The following MAP7 variants were observed in gnomAD, a reference collection of about 807,000 sequenced individuals.
MAP7 encodes microtubule associated protein 7.
MAP7 carries 52 observed loss-of-function variants against 94.8 expected under a neutral mutation model. The ratio of observed to expected loss-of-function variants is 0.55; its 90% CI spans 0.44 to 0.69. MAP7 has a LOEUF of 0.69. MAP7 is among the 30% of genes least tolerant of loss of function. The pLI is 0.00. For synonymous variants in MAP7, 350 were observed against 357.0 expected (o/e 0.98, Z 0.22); for missense variants, 940 against 964.6 (o/e 0.97, Z 0.34).
At chr6:136,360,594 A>T in intron 13 of MAP7, 103 bp downstream of exon 13, 2 of 907,504 alleles carry the variant, frequency 2.2e-6, no homozygotes, top group Non-Finnish European at 1.8e-6. Context: ...CTACTAGTTT[A>T]TGTGGCAAGG....
intron 1 of MAP7, among the ~76,000 whole-genome samples, chr6:136,519,073 C>T (rs1339691840): frequency 3.9e-5 from 6 of 152,182 alleles, no homozygotes; most frequent in African/African-American, 1.2e-4. Context: ...TTATATAACA[C>T]ATAATGCCTG....
chr6:136,474,011 G>A (rs534385072), intron 1 of MAP7, among the ~76,000 whole-genome samples: 1 of 151,974 alleles, frequency 6.6e-6, no homozygotes, highest in East Asian at 1.9e-4. Flanking sequence ...GGTGGTCAGG[G>A]AGGGCCTCTC....
chr6:136,411,690 C>T lies in MAP7; in HGVS notation c.174G>A (p.Pro58=), dbSNP rs776770148. ...NNHSGNKPDP[P]PVLRVDDRQR... is the part of the protein sequence containing the mutation. ...GCCGGTCATCAACACGTAACACAGG[C>T]GGAGGGTCTGAAAGCGAGATTAAAA... is the stretch of plus-strand genomic sequence containing the variant. Residue 58 remains proline (P), a synonymous_variant, in exon 3 of 18, where the codon CCG becomes CCA. Transcript: ENST00000354570. 6.4e-6 allele frequency: 10 copies of T among 1,562,158 alleles called. No homozygotes were observed. Among genetic ancestry groups the T allele is most frequent in the South Asian group, 1.2e-5 (1 of 85,012 alleles).
At chr6:136,462,787 C>T (rs1805665715) in intron 1 of MAP7, among the ~76,000 whole-genome samples, 1 of 151,604 alleles carries the variant, frequency 6.6e-6, no homozygotes, top group Non-Finnish European at 1.5e-5. Flanking sequence ...CATGGTGAAA[C>T]CCTGTTTCTA....
chr6:136,396,104 T>C (rs1423245714), intron 3 of MAP7, among the ~76,000 whole-genome samples: 5 of 152,070 alleles, frequency 3.3e-5, no homozygotes, highest in African/African-American at 7.2e-5. Flanking sequence ...AAGAATGTCA[T>C]TGGTATTTTG....
At chr6:136,480,510 C>T (rs560483923) in intron 1 of MAP7, among the ~76,000 whole-genome samples, 11 of 151,532 alleles carry the variant, frequency 7.3e-5, no homozygotes, top group South Asian at 4.2e-4. Flanking sequence ...GGCATGGTGG[C>T]GGGTGCCTGT....
Position 136,484,489 on chromosome 6 carries a change from T to G in MAP7, c.68-62690A>C, listed in dbSNP as rs190000442. On this transcript the variant is annotated intron_variant, in intron 1 of 17. Transcript: ENST00000354570. ...TTTATTTAATGCTTTCTTTGCCACCTAAATTATTAAACTCTTAGACAATAA... is the reference window on the plus strand; with the variant it reads ...TTTATTTAATGCTTTCTTTGCCACCGAAATTATTAAACTCTTAGACAATAA... Among the ~76,000 whole-genome samples the G allele has an allele frequency of 5.4e-3, 824 of 152,298 alleles. 4 individuals are homozygous for G. Among genetic ancestry groups the G allele is most frequent in the Middle Eastern group, 0.014 (4 of 294 alleles).
intron 1 of MAP7, among the ~76,000 whole-genome samples, chr6:136,498,087 T>C (rs1818821300): frequency 6.6e-6 from 1 of 152,076 alleles, no homozygotes; most frequent in South Asian, 2.1e-4. Context: ...AGGTCATGTG[T>C]CCTTTTGAGA....
chr6:136,489,923 AT>A (rs1302554007), intron 1 of MAP7, among the ~76,000 whole-genome samples: 1 of 152,140 alleles, frequency 6.6e-6, no homozygotes, highest in Non-Finnish European at 1.5e-5. Flanking sequence ...GGATATATCA[AT>A]TTGCCACAGA....
intron 1 of MAP7, among the ~76,000 whole-genome samples, chr6:136,492,403 C>T (rs1453541580): frequency 6.6e-6 from 1 of 152,046 alleles, no homozygotes; most frequent in Admixed American, 6.6e-5. Flanking sequence ...AACTATGAAC[C>T]CTCCCATGTA....
intron 3 of MAP7, among the ~76,000 whole-genome samples, chr6:136,409,866 A>T (rs1310420843): frequency 6.6e-6 from 1 of 152,234 alleles, no homozygotes; most frequent in East Asian, 1.9e-4. Flanking sequence ...CAGTGTTTGA[A>T]TATATAAACT....
At chr6:136,441,336 C>T (rs1409379281) in intron 1 of MAP7, among the ~76,000 whole-genome samples, 1 of 152,096 alleles carries the variant, frequency 6.6e-6, no homozygotes, top group Non-Finnish European at 1.5e-5. Context: ...ACTCCATTTA[C>T]CTATGGTACT....
intron 1 of MAP7, among the ~76,000 whole-genome samples, chr6:136,460,832 A>G (rs549161025): frequency 3.2e-4 from 48 of 152,196 alleles, no homozygotes; most frequent in African/African-American, 1.1e-3. Flanking sequence ...CTTTAAACCC[A>G]CAGAACACTT....
chr6:136,534,616 A>T (rs192835738), intron 1 of MAP7, among the ~76,000 whole-genome samples: 4 of 152,346 alleles, frequency 2.6e-5, no homozygotes, highest in African/African-American at 9.6e-5. Flanking sequence ...TCTTCATTGA[A>T]TAGGATGGAT....
intron 1 of MAP7, among the ~76,000 whole-genome samples, chr6:136,448,759 A>G (rs1800129114): frequency 6.6e-6 from 1 of 152,144 alleles, no homozygotes; most frequent in African/African-American, 2.4e-5. Context: ...AAATGGAATT[A>G]TAGCAATGCC....
intron 1 of MAP7, among the ~76,000 whole-genome samples, chr6:136,429,868 T>A (rs959305773): frequency 6.6e-6 from 1 of 152,186 alleles, no homozygotes; most frequent in Non-Finnish European, 1.5e-5. Flanking sequence ...TTAATATAAA[T>A]CAGATTAAAA....
At chr6:136,366,726 T>C (rs770044341) in intron 8 of MAP7, among the ~76,000 whole-genome samples, 89 of 152,064 alleles carry the variant, frequency 5.9e-4, no homozygotes, top group Non-Finnish European at 1.2e-3. Flanking sequence ...CTATACTTTG[T>C]GTCTAAAATT....
chr6:136,372,524 T>C lies in MAP7; in HGVS notation c.853A>G (p.Arg285Gly), dbSNP rs759596855. The C allele has an allele frequency of 5.6e-6, 9 of 1,614,192 alleles. No individual in the cohort carries two copies. Among genetic ancestry groups the C allele is most frequent in the Non-Finnish European group, 2.5e-6 (3 of 1,180,036 alleles). Residue 285 changes from arginine to glycine, a missense_variant, in exon 8 of 18, where the codon AGG (arginine) becomes GGG (glycine). Transcript: ENST00000354570. ...FVTPPEGSSR[R>G]RIIHGTASYK... ...ACCGCTGTGCCATGAATGATCCTCC[T>C]GCGAGAAGAGCCCTCAGGTGGTGTT...
At chr6:136,407,633 C>G (rs1043088142) in intron 3 of MAP7, among the ~76,000 whole-genome samples, 1 of 152,190 alleles carries the variant, frequency 6.6e-6, no homozygotes, top group African/African-American at 2.4e-5. Flanking sequence ...TACCTACCTA[C>G]TGGGCTAGTT....
Sources: gnomAD v4.1 joint callset for allele counts (sites outside exome capture counted in the v4.1 genomes callset) on GRCh38, gnomAD v4.1.1 for gene constraint, MANE v1.5 for transcripts, NCBI Gene and HGNC (gene_info 2026-07-23, HGNC 2026-07-21) for gene names.